Variants in SIGLEC7 observed in about 807,000 individuals in gnomAD.
SIGLEC7 encodes the protein sialic acid-binding Ig-like lectin 7.
In SIGLEC7, 33 loss-of-function variants were observed where a neutral mutation model predicts 40.8. The ratio of observed to expected loss-of-function variants is 0.81; its 90% confidence interval spans 0.61 to 1.08. The LOEUF is 1.08. Among genes scored for constraint, SIGLEC7 ranks in the 50% least tolerant of loss-of-function variants. The pLI, the probability that SIGLEC7 is intolerant of heterozygous loss-of-function variation, is 0.00. For synonymous variants in SIGLEC7, 242 were observed against 237.6 expected (o/e 1.02, Z -0.17); for missense variants, 513 against 576.1 (o/e 0.89, Z 1.12).
Position 51,142,536 on chromosome 19 carries a change from C to A in SIGLEC7, c.167C>A (p.Thr56Asn). The change falls in exon 1 of 7, where the codon ACT (threonine) becomes AAT (asparagine). Residue 56 changes from threonine to asparagine, a missense_variant. By Grantham distance (65) the Thr-to-Asn change is moderately conservative. Transcript: ENST00000317643. This position sits in a 1 kb window ranked among gnomAD's most constrained non-coding sequence, Gnocchi z 5.0. ...CSFSYPVDSQ[T>N]DSDPVHGYWF... The stretch of plus-strand genomic sequence containing the variant: ...TTCTCCTACCCAGTGGACAGCCAGA[C>A]TGACTCTGACCCAGTTCATGGCTAC... The A allele has an allele frequency of 6.2e-7, 1 of 1,614,172 alleles. No homozygotes were observed. Among genetic ancestry groups the A allele is most frequent in the Non-Finnish European group, 8.5e-7 (1 of 1,180,028 alleles).
rs113607483 is a variant in SIGLEC7 at position 51,146,661 on chromosome 19, G to A, written c.1028-93G>A. On this transcript the variant is annotated intron_variant, in intron 4 of 6. Transcript: ENST00000317643. ...CCTTTGTTTCTGGGAAGGGGGATTAGGGTACCCAAGTTGGGGGCCTTATAG... is the reference window on the plus strand; with the variant it reads ...CCTTTGTTTCTGGGAAGGGGGATTAAGGTACCCAAGTTGGGGGCCTTATAG... 1.8e-3 allele frequency: 1,891 copies of A among 1,075,436 alleles called. 31 individuals are homozygous for A. In the African/African-American group the frequency reaches 0.026, roughly 15 times the overall value. 66.6% of individuals were successfully genotyped at this position (1,075,436 alleles called of 1,614,324 possible).
At chr19:51,147,416 C>T in intron 6 of SIGLEC7, 99 bp downstream of exon 6, 2 of 912,856 alleles carry the variant, frequency 2.2e-6, no homozygotes, top group Non-Finnish European at 3.3e-6. Context: ...AAAATTATCT[C>T]CTCATCTCCT....
At position 51,145,766 on chromosome 19, in the gene SIGLEC7, T is replaced by C. The variant is rs758433366; in HGVS notation, c.761-89T>C. On this transcript the variant is annotated intron_variant, in intron 3 of 6. Coordinates refer to ENST00000317643, the MANE Select transcript of SIGLEC7 (RefSeq NM_014385.4). The surrounding 1 kb of genome is among the most constrained non-coding windows in gnomAD (Gnocchi z 4.3). ...ATGTCCCTGCACCAGCCTACATCAC[T>C]CTCTGTTCCATTCCCCAGTCTCATT... is the stretch of plus-strand genomic sequence containing the variant. The C allele has an allele frequency of 6.8e-6, 10 of 1,475,458 alleles. No homozygotes were observed. The highest frequency in any genetic ancestry group is 2.2e-4 in the Middle Eastern group (1 of 4,500). The allele number at this position is 1,475,458 out of a possible 1,614,324, so 91.4% of individuals were successfully genotyped here. A position where few individuals can be genotyped will look rare whatever the true frequency, so the allele number is the denominator to read the frequency against.
intron 1 of SIGLEC7, among the ~76,000 whole-genome samples, chr19:51,143,558 G>A (rs2092084733): frequency 6.6e-6 from 1 of 152,074 alleles, no homozygotes; most frequent in South Asian, 2.1e-4. Flanking sequence ...CTGAGCTTCA[G>A]GGTTTCCTTC....
chr19:51,144,997 G>T (rs1365933186), intron 3 of SIGLEC7, 38 bp downstream of exon 3: 7 of 1,599,230 alleles, frequency 4.4e-6, no homozygotes, highest in Non-Finnish European at 6.0e-6. Flanking sequence ...GGGGGAGCAG[G>T]GCCTTCAGCT....
Position 51,146,818 on chromosome 19 carries a change from G to C in SIGLEC7, c.1092G>C (p.Leu364=), listed in dbSNP as rs749886311. ...GAVGGAGATA[L]VFLSFCVIFI... ...TCGGGGGAGCTGGAGCCACAGCCCT[G>C]GTCTTCCTCTCCTTCTGTGTCATCT... The change falls in exon 5 of 7, where the codon CTG becomes CTC. Residue 364 remains leucine, a synonymous_variant. Coordinates refer to ENST00000317643, the MANE Select transcript of SIGLEC7 (RefSeq NM_014385.4). 1.9e-6 allele frequency: 3 copies of C among 1,614,056 alleles called. No individual in the cohort carries two copies. Among genetic ancestry groups the C allele is most frequent in the South Asian group, 2.2e-5 (2 of 91,078 alleles).
rs1202893716 is a variant in SIGLEC7, at chr19:51,142,648, C to G, written c.279C>G (p.Asp93Glu). 2 of 1,614,142 alleles carry G rather than the reference C, an allele frequency of 1.2e-6. No individual in the cohort carries two copies. The highest frequency in any genetic ancestry group is 1.7e-5 in the Admixed American group (1 of 60,024). Residue 93 changes from aspartate (D) to glutamate (E), a missense_variant, in exon 1 of 7, where the codon GAC (aspartate) becomes GAG (glutamate). Transcript: ENST00000317643. This position sits in a 1 kb window ranked among gnomAD's most constrained non-coding sequence, Gnocchi z 5.0. The stretch of plus-strand genomic sequence containing the variant: ...GGGCAGTGCAGGAGGAAACTCGGGA[C>G]CGATTCCACCTCCTTGGGGACCCAC... ...PAWAVQEETR[D>E]RFHLLGDPQT...
Position 51,145,815 on chromosome 19 carries a change from A to G in SIGLEC7, c.761-40A>G. ...TTCTGTATCCTTCCTCCCTGTTTCA[A>G]TCACTTTGTCTCTTTGAACCTCCAA... On this transcript the variant is annotated intron_variant, in intron 3 of 6. Transcript: ENST00000317643. This position sits in a 1 kb window ranked among gnomAD's most constrained non-coding sequence, Gnocchi z 4.3. 1 of 1,610,480 alleles carries G rather than the reference A, an allele frequency of 6.2e-7. No homozygotes were observed. The highest frequency in any genetic ancestry group is 8.5e-7 in the Non-Finnish European group (1 of 1,177,874).
Position 51,146,084 on chromosome 19 carries a change from C to G in SIGLEC7, c.990C>G (p.His330Gln). 6.2e-7 allele frequency: 1 copy of G among 1,614,206 alleles called. No individual in the cohort carries two copies. The highest frequency in any genetic ancestry group is 8.5e-7 in the Non-Finnish European group (1 of 1,180,030). ...CRAQNSLGSQ[H>Q]VSLNLSLQQE... ...CTCAGAACTCTCTGGGTTCCCAGCA[C>G]GTTTCCCTGAACCTCTCCCTGCAAC... Residue 330 changes from histidine (H) to glutamine (Q), a missense_variant, in exon 4 of 7, where the codon CAC (histidine) becomes CAG (glutamine). By Grantham distance (24) the His-to-Gln change is conservative. Coordinates refer to ENST00000317643, the MANE Select transcript of SIGLEC7 (RefSeq NM_014385.4).
rs1042355937 is a variant in SIGLEC7, at chr19:51,142,893, C to T, written c.433+91C>T. On this transcript the variant is annotated intron_variant, in intron 1 of 6. Transcript: ENST00000317643. The surrounding 1 kb of genome is among the most constrained non-coding windows in gnomAD (Gnocchi z 5.0). ...CGGGACACATGTCCTGGGAGGGGGCCGGGGGTGATGGACTCAGGAGAGGAG... is the reference window on the plus strand; with the variant it reads ...CGGGACACATGTCCTGGGAGGGGGCTGGGGGTGATGGACTCAGGAGAGGAG... 1.5e-5 allele frequency: 20 copies of T among 1,363,578 alleles called. No individual in the cohort carries two copies. Among genetic ancestry groups the T allele is most frequent in the African/African-American group, 2.9e-5 (2 of 68,552 alleles). 84.5% of individuals were successfully genotyped at this position (1,363,578 alleles called of 1,614,324 possible).
chr19:51,152,928 G>T, intron 6 of SIGLEC7, 135 bp from the exon 7 acceptor site: 1 of 578,660 alleles, frequency 1.7e-6, no homozygotes, highest in Middle Eastern at 5.1e-4. Flanking sequence ...TGGGATAGAG[G>T]CAGGAACTCA....
At position 51,145,899 on chromosome 19, in the gene SIGLEC7, G is replaced by C. The variant is rs2092104581; in HGVS notation, c.805G>C (p.Gly269Arg). Residue 269 changes from glycine to arginine, a missense_variant, in exon 4 of 7, where the codon GGC (glycine) becomes CGC (arginine). By Grantham distance (125) the Gly-to-Arg change is moderately radical (BLOSUM62 -2). Coordinates refer to ENST00000317643, the MANE Select transcript of SIGLEC7 (RefSeq NM_014385.4). The surrounding 1 kb of genome is among the most constrained non-coding windows in gnomAD (Gnocchi z 4.3). ...GNSSSLSVLE[G>R]QSLRLVCAVD... is the part of the protein sequence containing the mutation. ...CAGCTCATCTCTTTCAGTCCTAGAG[G>C]GCCAGTCTCTGCGCTTGGTCTGTGC... The C allele has an allele frequency of 1.2e-5, 20 of 1,614,134 alleles. No individual in the cohort carries two copies. Among genetic ancestry groups the C allele is most frequent in the Non-Finnish European group, 1.7e-5 (20 of 1,180,040 alleles).
intron 6 of SIGLEC7, 123 bp from the exon 7 acceptor site, chr19:51,152,940 G>A (rs2092153476): frequency 3.0e-6 from 2 of 666,698 alleles, no homozygotes; most frequent in Non-Finnish European, 4.6e-6. Context: ...AGGAACTCAT[G>A]AAGTTTAATT....
intron 2 of SIGLEC7, 52 bp from the exon 3 acceptor site, chr19:51,144,860 C>A: frequency 6.3e-7 from 1 of 1,590,316 alleles, no homozygotes; most frequent in Non-Finnish European, 8.6e-7. Flanking sequence ...GAGACAGGGC[C>A]AGTGTCCCCA....
intron 6 of SIGLEC7, chr19:51,152,847 A>T (rs2092152740): frequency 2.7e-6 from 1 of 368,086 alleles, no homozygotes; most frequent in Admixed American, 4.4e-5. Flanking sequence ...AATAAACACC[A>T]AACAAGTTGC....
At chr19:51,144,254 A>G in intron 1 of SIGLEC7, 152 bp from the exon 2 acceptor site, 1 of 1,190,096 alleles carries the variant, frequency 8.4e-7, no homozygotes. Context: ...TGGGGGTGGC[A>G]GCGAAAGCCT....
rs2092154977 is a variant in SIGLEC7 at position 51,153,097 on chromosome 19, C to G, written c.1256C>G (p.Pro419Arg). The change falls in exon 7 of 7, where the codon CCC becomes CGC. Residue 419 changes from proline (P) to arginine (R), a missense_variant. Pro to Arg is a moderately radical substitution (Grantham distance 103). Coordinates refer to ENST00000317643, the MANE Select transcript of SIGLEC7 (RefSeq NM_014385.4). Reference sequence around the variant, plus strand: ...ACTGAGTCCTGGGCAGATGATAACCCCCGACACCATGGCCTGGCTGCCCAC... The same window carrying G: ...ACTGAGTCCTGGGCAGATGATAACCGCCGACACCATGGCCTGGCTGCCCAC... The part of the protein sequence containing the change: ...NLTESWADDN[P>R]RHHGLAAHSS... The G allele has an allele frequency of 6.2e-7, 1 of 1,604,458 alleles. No individual in the cohort carries two copies. The highest frequency in any genetic ancestry group is 8.5e-7 in the Non-Finnish European group (1 of 1,175,434).
At position 51,142,482 on chromosome 19, in the gene SIGLEC7, AG is replaced by A; in HGVS notation, c.116del (p.Gly39AlafsTer34). The A allele has an allele frequency of 6.2e-7, 1 of 1,614,158 alleles. No individual in the cohort carries two copies. On this transcript the variant is annotated frameshift_variant, in exon 1 of 7. Transcript: ENST00000317643. LOFTEE classifies it high-confidence loss of function. The surrounding 1 kb of genome is among the most constrained non-coding windows in gnomAD (Gnocchi z 5.0). ...ATGCAGAGTTCCGTGACCGTGCAAGAGGGCATGTGTGTCCATGTGCGCTGCT... is the reference window on the plus strand; with the variant it reads ...ATGCAGAGTTCCGTGACCGTGCAAGAGGCATGTGTGTCCATGTGCGCTGCT... ...LTMQSSVTVQ[E>X]GMCVHVRCSF...
chr19:51,144,993 G>T lies in SIGLEC7; in HGVS notation c.760+34G>T, dbSNP rs560987537. On this transcript the variant is annotated intron_variant, in intron 3 of 6. Transcript: ENST00000317643. ...GAGCCCCCTCCCTGGGGCTGGGGGA[G>T]CAGGGCCTTCAGCTCAGGGCAGGGC... The T allele has an allele frequency of 5.6e-5, 90 of 1,604,804 alleles. No individual in the cohort carries two copies. In the East Asian group the frequency reaches 1.9e-3, roughly 35 times the overall value.
Sources: allele counts gnomAD v4.1 joint callset (sites outside exome capture counted in the v4.1 genomes callset), GRCh38; gene constraint gnomAD v4.1.1; non-coding constraint Gnocchi (gnomAD v3.1); transcripts MANE v1.5; gene names NCBI Gene and HGNC (gene_info 2026-07-23, HGNC 2026-07-21).